The following CDH18 variants were observed in gnomAD, a reference collection of about 807,000 sequenced individuals.
The protein encoded by CDH18 is cadherin 18.
A neutral mutation model predicts 67.9 loss-of-function variants in CDH18; 31 were observed. That is an observed-to-expected ratio of 0.46 (90% confidence interval 0.34 to 0.62). The LOEUF is 0.62. CDH18 is among the 20% of genes least tolerant of loss of function. The pLI, the probability that CDH18 is intolerant of heterozygous loss-of-function variation, is 0.01. For synonymous variants in CDH18, 362 were observed against 347.2 expected, an observed-to-expected ratio of 1.04 and a Z score of -0.48; for missense variants, 890 against 975.5, an observed-to-expected ratio of 0.91 and a Z score of 1.17.
chr5:19,571,763 G>A lies in CDH18; in HGVS notation c.1069C>T (p.Arg357Cys), dbSNP rs759919566. 2.5e-6 allele frequency: 4 copies of A among 1,613,724 alleles called. No individual in the cohort carries two copies. The highest frequency in any genetic ancestry group is 1.3e-5 in the African/African-American group (1 of 75,018). Residue 357 changes from arginine to cysteine, a missense_variant, in exon 8 of 13, where the codon CGC (arginine) becomes TGC (cysteine). By Grantham distance (180) the Arg-to-Cys change is radical. Coordinates refer to ENST00000382275, the MANE Select transcript of CDH18 (RefSeq NM_004934.5). ...IEGANTHLDF[R>C]FSHLGPFKDA... ...TTAAAAGGACCCAAGTGAGAAAAGC[G>A]AAAATCAAGATGTGTATTTGCTCCT... is the stretch of plus-strand genomic sequence containing the variant.
intron 2 of CDH18, among the ~76,000 whole-genome samples, chr5:20,012,932 G>A (rs1031977134): frequency 6.6e-6 from 1 of 151,882 alleles, no homozygotes; most frequent in Admixed American, 6.6e-5. Context: ...AGGGAGAGGA[G>A]CAGGAAAAAT....
At chr5:19,638,979 T>TG (rs1753602080) in intron 5 of CDH18, among the ~76,000 whole-genome samples, 1 of 51,750 alleles carries the variant, frequency 1.9e-5, no homozygotes, top group Non-Finnish European at 4.2e-5. Context: ...TTGTTGCTGT[T>TG]TTTTTTTTTT....
chr5:20,021,023 C>T (rs1356176177), intron 2 of CDH18, among the ~76,000 whole-genome samples: 1 of 151,834 alleles, frequency 6.6e-6, no homozygotes, highest in Non-Finnish European at 1.5e-5. Context: ...GACCCAACCC[C>T]TTATCTCGGT....
At chr5:19,954,850 A>C (rs972297590) in intron 2 of CDH18, among the ~76,000 whole-genome samples, 2 of 139,450 alleles carry the variant, frequency 1.4e-5, no homozygotes, top group African/African-American at 3.3e-5. Flanking sequence ...TAACAATCTC[A>C]GGAAAAAAAA....
intron 2 of CDH18, among the ~76,000 whole-genome samples, chr5:20,174,423 T>C (rs777196818): frequency 4.7e-4 from 72 of 152,262 alleles, no homozygotes; most frequent in Non-Finnish European, 9.1e-4. Context: ...CTGCTTTATG[T>C]GCTGCAGCAG....
At chr5:20,051,996 A>G (rs1741464255) in intron 2 of CDH18, among the ~76,000 whole-genome samples, 1 of 152,060 alleles carries the variant, frequency 6.6e-6, no homozygotes, top group South Asian at 2.1e-4. Context: ...TGGATTTTCC[A>G]TTAGGTGAGC....
At chr5:20,564,019 A>G (rs1561135284) in intron 1 of CDH18, among the ~76,000 whole-genome samples, 1 of 152,068 alleles carries the variant, frequency 6.6e-6, no homozygotes, top group Non-Finnish European at 1.5e-5. Context: ...TTTTGATCAA[A>G]TTAGATCATG....
chr5:19,960,150 C>G (rs866315728), intron 2 of CDH18, among the ~76,000 whole-genome samples: 4 of 151,950 alleles, frequency 2.6e-5, no homozygotes, highest in South Asian at 4.2e-4. Flanking sequence ...CTTTCTTTAA[C>G]AGTAAGTTAA....
At chr5:19,911,451 C>T (rs1290033997) in intron 2 of CDH18, among the ~76,000 whole-genome samples, 4 of 152,032 alleles carry the variant, frequency 2.6e-5, no homozygotes, top group African/African-American at 9.7e-5. Context: ...CACACCCTCA[C>T]CCCCAGATTC....
intron 2 of CDH18, among the ~76,000 whole-genome samples, chr5:19,873,970 CA>C (rs1786644526): frequency 1.3e-5 from 2 of 152,192 alleles, no homozygotes; most frequent in South Asian, 4.1e-4. Context: ...TTTTGATACA[CA>C]AAGCAGAAAT....
intron 1 of CDH18, among the ~76,000 whole-genome samples, chr5:20,548,434 CAT>C (rs1491482874): frequency 1.2e-4 from 14 of 119,822 alleles, no homozygotes; most frequent in African/African-American, 3.8e-4. Flanking sequence ...TAATAGAGAA[CAT>C]GTTTGTGTGT....
At chr5:19,501,791 T>C (rs1046199539) in intron 11 of CDH18, among the ~76,000 whole-genome samples, 1 of 152,172 alleles carries the variant, frequency 6.6e-6, no homozygotes, top group African/African-American at 2.4e-5. Flanking sequence ...TCTGCCAAAT[T>C]TTACAATTCT....
intron 3 of CDH18, among the ~76,000 whole-genome samples, chr5:19,763,989 AAATAC>A (rs1772715931): frequency 8.9e-6 from 1 of 112,054 alleles, no homozygotes. Flanking sequence ...TCTCTACTAA[AAATAC>A]AAAAAAAAAA....
chr5:20,245,269 C>T (rs780648095), intron 2 of CDH18, among the ~76,000 whole-genome samples: 4 of 152,038 alleles, frequency 2.6e-5, no homozygotes, highest in Non-Finnish European at 4.4e-5. Flanking sequence ...CAGTTTGAAG[C>T]GAGTGAAGCT....
At chr5:20,198,677 A>G (rs1739189453) in intron 2 of CDH18, among the ~76,000 whole-genome samples, 1 of 152,132 alleles carries the variant, frequency 6.6e-6, no homozygotes, top group Non-Finnish European at 1.5e-5. Context: ...CACCAAGACT[A>G]TGGGAAAAAT....
At chr5:19,516,092 A>G (rs1745946031) in intron 10 of CDH18, among the ~76,000 whole-genome samples, 1 of 152,198 alleles carries the variant, frequency 6.6e-6, no homozygotes, top group South Asian at 2.1e-4. Flanking sequence ...GCCTTTCTGC[A>G]TCTATCGAGA....
At chr5:19,829,967 T>G (rs924454943) in intron 3 of CDH18, among the ~76,000 whole-genome samples, 1 of 152,150 alleles carries the variant, frequency 6.6e-6, no homozygotes, top group Admixed American at 6.6e-5. Context: ...TAAATAATGC[T>G]AGGATAACGG....
chr5:19,863,971 G>C (rs958868476), intron 2 of CDH18, among the ~76,000 whole-genome samples: 51 of 151,914 alleles, frequency 3.4e-4, no homozygotes, highest in African/African-American at 1.1e-3. Flanking sequence ...TCAGTGTGGT[G>C]ATTCCTCAGG....
intron 5 of CDH18, among the ~76,000 whole-genome samples, chr5:19,656,113 G>A (rs142812765): frequency 6.7e-6 from 1 of 148,810 alleles, no homozygotes; most frequent in East Asian, 2.0e-4. Context: ...ATTTCCCTTA[G>A]AGTTACCTTC....
Sources: allele counts gnomAD v4.1 joint callset (sites outside exome capture counted in the v4.1 genomes callset), GRCh38; gene constraint gnomAD v4.1.1; transcripts MANE v1.5; gene names NCBI Gene and HGNC (gene_info 2026-07-23, HGNC 2026-07-21).